Variants in COL6A6 observed in about 807,000 individuals in gnomAD.
COL6A6 encodes collagen type VI alpha 6 chain, also known as collagen alpha-6(VI) chain.
Under a neutral mutation model 208.6 loss-of-function variants are expected in COL6A6, and 183 were observed. The ratio of observed to expected loss-of-function variants is 0.88; its 90% CI spans 0.78 to 0.99. The LOEUF is 0.99. COL6A6 is among the 50% of genes least tolerant of loss of function. The pLI is 0.00. For synonymous variants in COL6A6, 973 were observed against 1,011.8 expected, an observed-to-expected ratio of 0.96 and a Z score of 0.73; for missense variants, 2,816 against 2,815.2, an observed-to-expected ratio of 1.00 and a Z score of -0.01.
In COL6A6 at chr3:130,634,582, C is replaced by G; in HGVS notation, c.4993-8C>G. The G allele has an allele frequency of 6.2e-7, 1 of 1,604,070 alleles. No individual in the cohort carries two copies. Among genetic ancestry groups the G allele is most frequent in the Non-Finnish European group, 8.5e-7 (1 of 1,174,622 alleles). On this transcript the variant is annotated splice_region_variant and splice_polypyrimidine_tract_variant and intron_variant, in intron 26 of 36. Transcript: ENST00000358511. ...GCCTGTATAAATCTTTCCTCCTGTC[C>G]ATTACAGGGACAAGAAGGATTCCCT...
At chr3:130,526,783 T>C (rs1223479554) in intron 1 of COL6A6, among the ~76,000 whole-genome samples, 2 of 152,020 alleles carry the variant, frequency 1.3e-5, no homozygotes, top group Admixed American at 6.6e-5. Flanking sequence ...CAGCACCTTA[T>C]AGTTTCAAAG....
chr3:130,658,197 A>G (rs2065844872), intron 33 of COL6A6, among the ~76,000 whole-genome samples: 1 of 152,174 alleles, frequency 6.6e-6, no homozygotes, highest in African/African-American at 2.4e-5. Flanking sequence ...GGTAGGGGAG[A>G]GGAGGTCTCT....
In COL6A6 at chr3:130,568,319, A is replaced by G. The variant is rs1323789076; in HGVS notation, c.2116A>G (p.Ser706Gly). The G allele has an allele frequency of 4.3e-6, 7 of 1,613,868 alleles. No individual in the cohort carries two copies. Among genetic ancestry groups the G allele is most frequent in the Non-Finnish European group, 5.9e-6 (7 of 1,179,898 alleles). The change falls in exon 6 of 37, where the codon AGC becomes GGC. Residue 706 changes from serine (S) to glycine (G), a missense_variant. Coordinates refer to ENST00000358511, the MANE Select transcript of COL6A6 (RefSeq NM_001102608.3). ...AACCACCCTGACTGGTAGTGCCCTG[A>G]GCTTTGTGTCTCAGTACTTCAGCCC... is the stretch of plus-strand genomic sequence containing the variant. The part of the protein sequence containing the change: ...GQTTLTGSAL[S>G]FVSQYFSPTK...
intron 25 of COL6A6, 119 bp from the exon 26 acceptor site, chr3:130,627,200 G>C: frequency 2.4e-6 from 2 of 845,116 alleles, no homozygotes; most frequent in Non-Finnish European, 3.9e-6. Flanking sequence ...CTAGAAGGAG[G>C]ATCCTGTGTC....
intron 35 of COL6A6, among the ~76,000 whole-genome samples, chr3:130,663,350 C>T (rs1232340393): frequency 6.6e-6 from 1 of 152,092 alleles, no homozygotes; most frequent in Non-Finnish European, 1.5e-5. Context: ...CATTCTGAAC[C>T]AGAATCTGCA....
intron 1 of COL6A6, among the ~76,000 whole-genome samples, chr3:130,543,197 T>C (rs9864063): frequency 0.86 from 130,592 of 151,944 alleles, 56,614 homozygotes; most frequent in African/African-American, 0.9. Context: ...AGCCACCGTG[T>C]CTGACCCATT....
chr3:130,586,411 A>G, intron 10 of COL6A6, 95 bp from the exon 11 acceptor site: 2 of 1,083,992 alleles, frequency 1.8e-6, no homozygotes, highest in Middle Eastern at 2.2e-4. Flanking sequence ...TTCTTCTTGC[A>G]GCTGTTCACT....
chr3:130,634,315 C>T (rs1214449784), intron 26 of COL6A6, among the ~76,000 whole-genome samples: 1 of 149,100 alleles, frequency 6.7e-6, no homozygotes, highest in Non-Finnish European at 1.5e-5. Flanking sequence ...CGGTTATATG[C>T]ATACAAAAGA....
At chr3:130,527,149 T>A (rs1191158729) in intron 1 of COL6A6, among the ~76,000 whole-genome samples, 1 of 152,196 alleles carries the variant, frequency 6.6e-6, no homozygotes, top group African/African-American at 2.4e-5. Flanking sequence ...AAACTCCTAA[T>A]GGATAACTAG....
chr3:130,579,145 A>G (rs1454394624), intron 8 of COL6A6, among the ~76,000 whole-genome samples: 3 of 152,180 alleles, frequency 2.0e-5, no homozygotes, highest in South Asian at 2.1e-4. Flanking sequence ...TCTGTCTTCT[A>G]ATCTTACAAA....
intron 1 of COL6A6, among the ~76,000 whole-genome samples, chr3:130,523,932 A>G (rs1276940495): frequency 6.6e-6 from 1 of 152,128 alleles, no homozygotes; most frequent in Non-Finnish European, 1.5e-5. Flanking sequence ...CATGAATCCA[A>G]TTTCTAAACT....
chr3:130,622,166 C>T (rs1576347147), intron 24 of COL6A6, among the ~76,000 whole-genome samples: 2 of 151,764 alleles, frequency 1.3e-5, no homozygotes, highest in East Asian at 3.9e-4. Context: ...GCCTTCCTTT[C>T]TCTCTTCCAA....
intron 28 of COL6A6, among the ~76,000 whole-genome samples, chr3:130,639,715 T>C (rs1227190817): frequency 6.8e-6 from 1 of 147,258 alleles, no homozygotes; most frequent in African/African-American, 2.5e-5. Flanking sequence ...AAAAAATGAC[T>C]GATTGGAAGC....
chr3:130,560,206 A>G, intron 1 of COL6A6, 128 bp from the exon 2 acceptor site: 1 of 557,100 alleles, frequency 1.8e-6, no homozygotes, highest in Non-Finnish European at 3.1e-6. Flanking sequence ...TTAGAAGGTC[A>G]GTGAACCTCA....
intron 36 of COL6A6, among the ~76,000 whole-genome samples, chr3:130,670,770 G>T (rs1238689856): frequency 6.6e-6 from 1 of 152,230 alleles, no homozygotes; most frequent in Non-Finnish European, 1.5e-5. Context: ...GAGCAAGTCT[G>T]TCCAATCTGT....
At chr3:130,583,447 T>G (rs2063468564) in intron 10 of COL6A6, among the ~76,000 whole-genome samples, 1 of 152,218 alleles carries the variant, frequency 6.6e-6, no homozygotes, top group South Asian at 2.1e-4. Flanking sequence ...GTATTTCTCT[T>G]GCAAAGGACA....
At chr3:130,575,896 GT>G (rs374751022) in intron 8 of COL6A6, among the ~76,000 whole-genome samples, 120 of 146,600 alleles carry the variant, frequency 8.2e-4, no homozygotes, top group African/African-American at 2.4e-3. Flanking sequence ...CTCCATCACA[GT>G]TTTTTTTTTT....
intron 18 of COL6A6, among the ~76,000 whole-genome samples, chr3:130,595,869 T>C (rs1283928168): frequency 6.6e-6 from 1 of 152,182 alleles, no homozygotes; most frequent in African/African-American, 2.4e-5. Context: ...TCAGATTGTC[T>C]TTACAGTCAA....
rs376975822 is a variant in COL6A6 at position 130,649,551 on chromosome 3, C to G, written c.5722C>G (p.Arg1908Gly). The change falls in exon 33 of 37, where the codon CGC (arginine) becomes GGC (glycine). Residue 1908 changes from arginine (R) to glycine (G), a missense_variant. Coordinates refer to ENST00000358511, the MANE Select transcript of COL6A6 (RefSeq NM_001102608.3). The part of the protein sequence containing the change: ...ITFSNVPSVR[R>G]AFAIDDTGTF... ...TTTCAGCAACGTGCCCTCGGTCAGG[C>G]GCGCATTTGCGGTATGAGGATGAAA... 1 of 1,586,062 alleles carries G rather than the reference C, an allele frequency of 6.3e-7. No individual in the cohort carries two copies.
Sources: allele counts gnomAD v4.1 joint callset (sites outside exome capture counted in the v4.1 genomes callset), GRCh38; gene constraint gnomAD v4.1.1; transcripts MANE v1.5; gene names NCBI Gene and HGNC (gene_info 2026-07-23, HGNC 2026-07-21).